PDIA3: variants seen among roughly 807,000 people sequenced by gnomAD.
PDIA3 encodes the protein protein disulfide isomerase family A member 3.
Under a neutral mutation model 56.9 loss-of-function variants are expected in PDIA3, and 16 were observed. That is an observed-to-expected ratio of 0.28 (90% CI 0.19 to 0.43). The LOEUF is 0.43. Among genes scored for constraint, PDIA3 ranks in the 20% least tolerant of loss-of-function variants. The pLI, the probability that PDIA3 is intolerant of heterozygous loss-of-function variation, is 1.00. For missense variants in PDIA3, 485 were observed against 621.3 expected (o/e 0.78, Z 2.33); for synonymous variants, 192 against 216.5 (o/e 0.89, Z 0.99).
At chr15:43,753,649 T>A (rs1481839803) in intron 1 of PDIA3, among the ~76,000 whole-genome samples, 175 bp from the exon 2 acceptor site, 1 of 152,202 alleles carries the variant, frequency 6.6e-6, no homozygotes, top group Non-Finnish European at 1.5e-5. Context: ...CTTTACCTCT[T>A]GAGAGTTCTG....
chr15:43,763,227 T>G, intron 5 of PDIA3, 21 bp downstream of exon 5: 1 of 1,611,254 alleles, frequency 6.2e-7, no homozygotes, highest in Non-Finnish European at 8.5e-7. Flanking sequence ...GAGTTGAATC[T>G]CCTGACCAAG....
chr15:43,764,446 A>C (rs1221007247), intron 5 of PDIA3, among the ~76,000 whole-genome samples: 1 of 152,140 alleles, frequency 6.6e-6, no homozygotes, highest in Non-Finnish European at 1.5e-5. Context: ...AGTGAAAAGA[A>C]GATTCAGAGC....
intron 4 of PDIA3, among the ~76,000 whole-genome samples, chr15:43,761,973 T>G (rs1174151588): frequency 1.3e-5 from 2 of 152,178 alleles, no homozygotes; most frequent in African/African-American, 4.8e-5. Flanking sequence ...CTCTGCTATT[T>G]TCACAGAAAT....
At chr15:43,751,393 G>A (rs1242647397) in intron 1 of PDIA3, among the ~76,000 whole-genome samples, 1 of 152,084 alleles carries the variant, frequency 6.6e-6, no homozygotes, top group Non-Finnish European at 1.5e-5. Flanking sequence ...CTTGACGCAT[G>A]GCACACATGA....
chr15:43,771,674 T>TA lies in PDIA3; in HGVS notation c.*457dup, dbSNP rs1318395035. ...ACAGGTAGCTACGGAGCATCTGAAA[T>TA]ATGGCTAGAAACTACATTTTTGTTT... On this transcript the variant is annotated 3_prime_UTR_variant, in exon 13 of 13. Coordinates refer to ENST00000300289, the MANE Select transcript of PDIA3 (RefSeq NM_005313.5). 2.5e-6 allele frequency: 1 copy of TA among 398,866 alleles called. No individual in the cohort carries two copies. The highest frequency in any genetic ancestry group is 2.1e-5 in the African/African-American group (1 of 48,620). The allele number at this position is 398,866 out of a possible 1,614,324, so 24.7% of individuals were successfully genotyped here. A position where few individuals can be genotyped will look rare whatever the true frequency, so the allele number is the denominator to read the frequency against.
rs1180676473 is a variant in PDIA3, at chr15:43,746,680, C to T, written c.141C>T (p.Leu47=). ...SRISDTGSAG[L]MLVEFFAPWC... ...TCTCCGACACGGGCTCTGCGGGCCT[C>T]ATGCTCGTCGAGTTCTTCGCCCCCT... Residue 47 remains leucine, a synonymous_variant, in exon 1 of 13, where the codon CTC becomes CTT. Transcript: ENST00000300289. 1 of 1,612,954 alleles carries T rather than the reference C, an allele frequency of 6.2e-7. No homozygotes were observed. The highest frequency in any genetic ancestry group is 8.5e-7 in the Non-Finnish European group (1 of 1,179,908).
Position 43,770,568 on chromosome 15 carries a change from A to G in PDIA3, c.1392A>G (p.Pro464=). 6.2e-7 allele frequency: 1 copy of G among 1,609,052 alleles called. No individual in the cohort carries two copies. The highest frequency in any genetic ancestry group is 1.7e-5 in the Admixed American group (1 of 60,018). ...YFSPANKKLN[P]KKYEGGRELS... ...CTCCAGCCAACAAGAAGCTAAATCC[A>G]AAGAAATATGAAGTAAGTGAATTGT... Residue 464 remains proline (P), a synonymous_variant, in exon 12 of 13, where the codon CCA becomes CCG. Transcript: ENST00000300289.
Position 43,746,613 on chromosome 15 carries a change from C to G in PDIA3, c.74C>G (p.Ser25Cys). 1 of 1,612,796 alleles carries G rather than the reference C, an allele frequency of 6.2e-7. No individual in the cohort carries two copies. Among genetic ancestry groups the G allele is most frequent in the Non-Finnish European group, 8.5e-7 (1 of 1,179,876 alleles). Residue 25 changes from serine to cysteine, a missense_variant, in exon 1 of 13, where the codon TCC (serine) becomes TGC (cysteine). By Grantham distance (112) the Ser-to-Cys change is moderately radical (BLOSUM62 -1). Transcript: ENST00000300289. ...GCCGCGGCCCGCCTCGCCGCTGCCT[C>G]CGACGTGCTAGAACTCACGGACGAC... The part of the protein sequence containing the change: ...LLAAARLAAA[S>C]DVLELTDDNF...
intron 8 of PDIA3, among the ~76,000 whole-genome samples, chr15:43,767,299 C>A (rs1428336852): frequency 1.3e-5 from 2 of 152,222 alleles, no homozygotes; most frequent in African/African-American, 2.4e-5. Flanking sequence ...TTGCGGTGAA[C>A]CAGGATCGTG....
In PDIA3 at chr15:43,768,483, T is replaced by C. The variant is rs764452316; in HGVS notation, c.1029-6T>C. 9.4e-6 allele frequency: 15 copies of C among 1,601,854 alleles called. No individual in the cohort carries two copies. The highest frequency in any genetic ancestry group is 1.2e-5 in the Non-Finnish European group (14 of 1,168,942). On this transcript the variant is annotated splice_region_variant and splice_polypyrimidine_tract_variant and intron_variant, in intron 8 of 12. Transcript: ENST00000300289. The stretch of plus-strand genomic sequence containing the variant: ...AACAAGCCTTACCCTTGTTTTCCAA[T>C]TGTAGGCGTGATGGGAAGGCTCTGG...
At chr15:43,761,092 A>G (rs1439565445) in intron 3 of PDIA3, among the ~76,000 whole-genome samples, 1 of 151,746 alleles carries the variant, frequency 6.6e-6, no homozygotes, top group Admixed American at 6.6e-5. Flanking sequence ...TACAAAAAAA[A>G]GTAGCCGGGC....
At chr15:43,753,356 G>A (rs2086757194) in intron 1 of PDIA3, among the ~76,000 whole-genome samples, 1 of 152,182 alleles carries the variant, frequency 6.6e-6, no homozygotes, top group Non-Finnish European at 1.5e-5. Context: ...GGGATTACAG[G>A]TGTGAGCTTC....
At chr15:43,747,652 A>C (rs559133820) in intron 1 of PDIA3, among the ~76,000 whole-genome samples, 18 of 152,102 alleles carry the variant, frequency 1.2e-4, no homozygotes, top group East Asian at 7.7e-4. Context: ...ATAGCTCTCT[A>C]TATATAATTC....
chr15:43,756,912 CCT>C (rs1362868703), intron 3 of PDIA3, 146 bp downstream of exon 3: 9 of 548,652 alleles, frequency 1.6e-5, no homozygotes, highest in African/African-American at 5.7e-5. Context: ...TAACAAAAGA[CCT>C]CTCTAAATGA....
intron 2 of PDIA3, among the ~76,000 whole-genome samples, chr15:43,755,643 G>T (rs556732884): frequency 5.9e-5 from 9 of 152,318 alleles, no homozygotes; most frequent in Admixed American, 5.2e-4. Context: ...GCCAGGCGCT[G>T]TGGCTCACGC....
intron 7 of PDIA3, 123 bp downstream of exon 7, chr15:43,766,135 A>T (rs1216719710): frequency 9.7e-4 from 103 of 105,710 alleles, no homozygotes; most frequent in African/African-American, 5.2e-3. Context: ...AAGAAGAGGT[A>T]AAAAAAAAAA....
chr15:43,769,115 G>A lies in PDIA3; in HGVS notation c.1138-403G>A, dbSNP rs190331788. Reference sequence around the variant, plus strand: ...AGAATTTTCTGATGAAATTTATATTGGGCTAAGTTACTCTTGAGGATAGAG... The same window carrying A: ...AGAATTTTCTGATGAAATTTATATTAGGCTAAGTTACTCTTGAGGATAGAG... On this transcript the variant is annotated intron_variant, in intron 9 of 12. Transcript: ENST00000300289. Among the ~76,000 whole-genome samples, 620 of 151,970 alleles carry A rather than the reference G, an allele frequency of 4.1e-3. 5 individuals carry two copies. Among genetic ancestry groups the A allele is most frequent in the African/African-American group, 0.014 (574 of 41,474 alleles).
chr15:43,773,017 C>A lies in PDIA3; in HGVS notation c.*1799C>A. 1 of 1,155,698 alleles carries A rather than the reference C, an allele frequency of 8.7e-7. No homozygotes were observed. Among genetic ancestry groups the A allele is most frequent in the South Asian group, 1.5e-5 (1 of 65,264 alleles). 71.6% of individuals were successfully genotyped at this position (1,155,698 alleles called of 1,614,324 possible). A position where few individuals can be genotyped will look rare whatever the true frequency, so the allele number is the denominator to read the frequency against. ...ACTTGCCACCATGGACTCCAGTGGT[C>A]AGCATAAGAAAAGCAGATAGTTGCA... On this transcript the variant is annotated 3_prime_UTR_variant, in exon 13 of 13. Coordinates refer to ENST00000300289, the MANE Select transcript of PDIA3 (RefSeq NM_005313.5).
At chr15:43,760,505 A>C (rs1396998421) in intron 3 of PDIA3, among the ~76,000 whole-genome samples, 1 of 151,276 alleles carries the variant, frequency 6.6e-6, no homozygotes, top group Non-Finnish European at 1.5e-5. Flanking sequence ...ATGCATTGTA[A>C]ACAATGTTTC....
Sources: gnomAD v4.1 joint callset for allele counts (sites outside exome capture counted in the v4.1 genomes callset) on GRCh38, gnomAD v4.1.1 for gene constraint, MANE v1.5 for transcripts, NCBI Gene and HGNC (gene_info 2026-07-23, HGNC 2026-07-21) for gene names.